The following AMDHD1 variants were observed in gnomAD, a reference collection of about 807,000 sequenced individuals.
The protein encoded by AMDHD1 is probable imidazolonepropionase.
In AMDHD1, 45 loss-of-function variants were observed where a neutral mutation model predicts 44.1. That is an observed-to-expected ratio of 1.02 (90% CI 0.80 to 1.31). The LOEUF is 1.31. Ranked by LOEUF, AMDHD1 falls within the 50% of genes most tolerant of loss-of-function variation. The pLI is 0.00. For synonymous variants in AMDHD1, 206 were observed against 205.0 expected, an observed-to-expected ratio of 1.00 and a Z score of -0.04; for missense variants, 586 against 552.1, an observed-to-expected ratio of 1.06 and a Z score of -0.61.
intron 3 of AMDHD1, among the ~76,000 whole-genome samples, chr12:95,955,478 G>A (rs1452430238): frequency 3.3e-5 from 5 of 151,914 alleles, no homozygotes; most frequent in African/African-American, 1.2e-4. Flanking sequence ...AAAAAAAGAT[G>A]TGCCTCCTAG....
chr12:95,961,453 A>C (rs2080581178), intron 5 of AMDHD1, among the ~76,000 whole-genome samples: 1 of 152,242 alleles, frequency 6.6e-6, no homozygotes, highest in African/African-American at 2.4e-5. Flanking sequence ...GCAGTAAGAC[A>C]AAGTCCCTAC....
chr12:95,960,646 C>A, intron 5 of AMDHD1, 23 bp downstream of exon 5: 2 of 1,599,196 alleles, frequency 1.3e-6, no homozygotes, highest in Non-Finnish European at 1.7e-6. Context: ...TTTAGTTTTT[C>A]CCTCGTCAAC....
chr12:95,948,016 C>T (rs2080506969), intron 1 of AMDHD1, among the ~76,000 whole-genome samples: 2 of 119,510 alleles, frequency 1.7e-5, no homozygotes, highest in African/African-American at 3.3e-5. Context: ...CCCGGCCAGC[C>T]GCCCTGTCCG....
intron 1 of AMDHD1, among the ~76,000 whole-genome samples, chr12:95,947,605 G>C (rs1182148251): frequency 1.7e-5 from 1 of 57,826 alleles, no homozygotes; most frequent in Non-Finnish European, 3.1e-5. Flanking sequence ...GGACAGCCGT[G>C]CCGTCCAGGA....
intron 8 of AMDHD1, among the ~76,000 whole-genome samples, chr12:95,967,104 G>C (rs570782660): frequency 1.3e-5 from 2 of 152,168 alleles, no homozygotes; most frequent in African/African-American, 4.8e-5. Context: ...CAATCATGGC[G>C]GAAAGCAAAG....
At chr12:95,945,844 A>C (rs1461328740) in intron 1 of AMDHD1, among the ~76,000 whole-genome samples, 1 of 152,112 alleles carries the variant, frequency 6.6e-6, no homozygotes, top group Non-Finnish European at 1.5e-5. Context: ...AATGAATCTC[A>C]GTAAGATCAA....
intron 4 of AMDHD1, among the ~76,000 whole-genome samples, chr12:95,958,006 T>C (rs1044642522): frequency 6.6e-6 from 1 of 152,184 alleles, no homozygotes; most frequent in African/African-American, 2.4e-5. Context: ...TGAGCCGAGA[T>C]TGTGCCACTG....
intron 8 of AMDHD1, 38 bp from the exon 9 acceptor site, chr12:95,967,718 A>G (rs370919059): frequency 3.5e-6 from 5 of 1,431,860 alleles, no homozygotes; most frequent in Non-Finnish European, 4.7e-6. Flanking sequence ...ACTTGCACAC[A>G]TTGAAGTAAT....
intron 5 of AMDHD1, among the ~76,000 whole-genome samples, chr12:95,961,287 G>A (rs1303049437): frequency 6.6e-6 from 1 of 152,182 alleles, no homozygotes; most frequent in Non-Finnish European, 1.5e-5. Context: ...TTCTGTGGCA[G>A]CATCCAAATC....
intron 6 of AMDHD1, among the ~76,000 whole-genome samples, chr12:95,963,617 G>A (rs573462372): frequency 1.3e-5 from 2 of 152,188 alleles, no homozygotes; most frequent in South Asian, 2.1e-4. Flanking sequence ...TATCAATAAC[G>A]GTTCTTGGTA....
chr12:95,959,084 A>G (rs868097900), intron 4 of AMDHD1, among the ~76,000 whole-genome samples: 2 of 152,148 alleles, frequency 1.3e-5, no homozygotes, highest in Non-Finnish European at 2.9e-5. Context: ...AAGAAAAGAA[A>G]AAAAGAAAAA....
intron 1 of AMDHD1, among the ~76,000 whole-genome samples, chr12:95,952,140 C>T (rs1356101102): frequency 2.0e-5 from 3 of 152,074 alleles, no homozygotes; most frequent in Admixed American, 2.0e-4. Flanking sequence ...GTGGGGTATC[C>T]CTCAAGAAAT....
At chr12:95,956,515 A>C in intron 3 of AMDHD1, 170 bp from the exon 4 acceptor site, 2 of 855,496 alleles carry the variant, frequency 2.3e-6, no homozygotes, top group South Asian at 3.6e-5. Context: ...TGTCTGGCAG[A>C]CTAGGGGCTT....
chr12:95,954,796 T>C (rs1055737133), intron 2 of AMDHD1, 115 bp from the exon 3 acceptor site: 3 of 879,104 alleles, frequency 3.4e-6, no homozygotes, highest in Non-Finnish European at 5.4e-6. Flanking sequence ...TCCTCCAAAA[T>C]GGATGGCCAC....
At chr12:95,945,969 CT>C (rs1325019025) in intron 1 of AMDHD1, among the ~76,000 whole-genome samples, 2 of 152,066 alleles carry the variant, frequency 1.3e-5, no homozygotes, top group Non-Finnish European at 2.9e-5. Flanking sequence ...CAGTGATTGT[CT>C]GCCATAGGGT....
chr12:95,961,959 G>GT (rs1216777832), intron 5 of AMDHD1, among the ~76,000 whole-genome samples: 2 of 152,160 alleles, frequency 1.3e-5, no homozygotes, highest in African/African-American at 4.8e-5. Context: ...ATAAAACGCT[G>GT]TTTCTCTTTA....
intron 5 of AMDHD1, 67 bp downstream of exon 5, chr12:95,960,690 T>A: frequency 1.4e-6 from 2 of 1,459,326 alleles, no homozygotes; most frequent in Non-Finnish European, 1.9e-6. Context: ...ATGGGAAACT[T>A]AATTAGTTTC....
intron 5 of AMDHD1, 37 bp from the exon 6 acceptor site, chr12:95,962,317 AT>A: frequency 6.3e-7 from 1 of 1,584,262 alleles, no homozygotes. Flanking sequence ...CGTTGTTGCT[AT>A]TTGTTAAATC....
chr12:95,952,798 C>G lies in AMDHD1; in HGVS notation c.219C>G (p.Asp73Glu). 6.2e-7 allele frequency: 1 copy of G among 1,610,398 alleles called. No homozygotes were observed. The highest frequency in any genetic ancestry group is 8.5e-7 in the Non-Finnish European group (1 of 1,176,870). The stretch of plus-strand genomic sequence containing the variant: ...GAGAAACTTTTGAAGAAATAATTGA[C>G]TGCTCTGGGAAATGTATTCTACCAG... ...FSGETFEEII[D>E]CSGKCILPGL... The change falls in exon 2 of 9, where the codon GAC (aspartate) becomes GAG (glutamate). Residue 73 changes from aspartate (D) to glutamate (E), a missense_variant. Asp to Glu is a conservative substitution (Grantham distance 45). Coordinates refer to ENST00000266736, the MANE Select transcript of AMDHD1 (RefSeq NM_152435.3).
Sources: allele counts gnomAD v4.1 joint callset (sites outside exome capture counted in the v4.1 genomes callset), GRCh38; gene constraint gnomAD v4.1.1; transcripts MANE v1.5; gene names NCBI Gene and HGNC (gene_info 2026-07-23, HGNC 2026-07-21).